The following NINJ2 variants were observed in gnomAD, a reference collection of about 807,000 sequenced individuals.
The protein encoded by NINJ2 is ninjurin-2.
In NINJ2, 12 loss-of-function variants were observed where a neutral mutation model predicts 11.7. That is an observed-to-expected ratio of 1.02 (90% CI 0.66 to 1.66). NINJ2 has a LOEUF of 1.66. Among genes scored for constraint, NINJ2 ranks in the 40% most tolerant of loss-of-function variants. The pLI, the probability that NINJ2 is intolerant of heterozygous loss-of-function variation, is 0.00. For missense variants in NINJ2, 187 were observed against 181.8 expected, an observed-to-expected ratio of 1.03 and a Z score of -0.16; for synonymous variants, 93 against 76.8, an observed-to-expected ratio of 1.21 and a Z score of -1.10.
intron 1 of NINJ2, among the ~76,000 whole-genome samples, chr12:578,307 T>C (rs1259898631): frequency 2.6e-5 from 4 of 152,138 alleles, no homozygotes; most frequent in Non-Finnish European, 5.9e-5. Context: ...AAAGCCCTTC[T>C]TTCTTTAACT....
At chr12:576,338 C>G (rs1947460905) in intron 1 of NINJ2, among the ~76,000 whole-genome samples, 1 of 152,228 alleles carries the variant, frequency 6.6e-6, no homozygotes, top group African/African-American at 2.4e-5. Flanking sequence ...GCGGGCACAC[C>G]CGGGCTTTGA....
intron 1 of NINJ2, among the ~76,000 whole-genome samples, chr12:599,434 G>A (rs1005128749): frequency 5.3e-5 from 8 of 152,186 alleles, no homozygotes; most frequent in South Asian, 4.2e-4. Context: ...TGAGAATGAC[G>A]AAGCTAAATC....
In NINJ2 at chr12:581,031, ATGTGTCTGTGTGTGTC is replaced by A. The variant is rs1359415090; in HGVS notation, c.34-14869_34-14854del. 1.4e-5 allele frequency among the ~76,000 whole-genome samples: 2 copies of A among 138,788 alleles called. No homozygotes were observed. The highest frequency in any genetic ancestry group is 2.1e-4 in the East Asian group (1 of 4,708). 91.1% of individuals were successfully genotyped at this position (138,788 alleles called of 152,430 possible). ...GAATGTGTGTGTTCATGTCTTGTGT[ATGTGTCTGTGTGTGTC>A]TGTGTCTGTGTGTGCGTGTCTCTGT... On this transcript the variant is annotated intron_variant, in intron 1 of 3. Coordinates refer to ENST00000305108, the MANE Select transcript of NINJ2 (RefSeq NM_016533.6). The surrounding 1 kb of genome is among the most constrained non-coding windows in gnomAD (Gnocchi z 4.9).
At chr12:621,472 GAA>G (rs11310736) in intron 1 of NINJ2, among the ~76,000 whole-genome samples, 1 of 147,430 alleles carries the variant, frequency 6.8e-6, no homozygotes, top group Non-Finnish European at 1.5e-5. Context: ...GAAAGAAAAA[GAA>G]AAAAAAAGAA....
intron 1 of NINJ2, among the ~76,000 whole-genome samples, chr12:657,263 T>C (rs1937885583): frequency 6.6e-6 from 1 of 152,110 alleles, no homozygotes; most frequent in Non-Finnish European, 1.5e-5. Flanking sequence ...ACAGTTGTTA[T>C]CCAAAACAGA....
chr12:581,793 T>C lies in NINJ2; in HGVS notation c.34-15615A>G, dbSNP rs1181994165. On this transcript the variant is annotated intron_variant, in intron 1 of 3. Transcript: ENST00000305108. The surrounding 1 kb of genome is among the most constrained non-coding windows in gnomAD (Gnocchi z 4.9). ...CCCCTTCCTCCTCGTGGTGAGAAGC[T>C]AGTATCTGGTGAAATAGGTGAGCTG... Among the ~76,000 whole-genome samples, 1 of 152,144 alleles carries C rather than the reference T, an allele frequency of 6.6e-6. No individual in the cohort carries two copies. Among genetic ancestry groups the C allele is most frequent in the Non-Finnish European group, 1.5e-5 (1 of 68,022 alleles).
intron 1 of NINJ2, among the ~76,000 whole-genome samples, chr12:609,789 A>AAAAAAAAAG (rs71439346): frequency 2.6e-5 from 3 of 116,628 alleles, no homozygotes; most frequent in African/African-American, 9.6e-5. Flanking sequence ...AAAAAAAAAT[A>AAAAAAAAAG]GGGAAAACAA....
chr12:567,880 C>T (rs1187649500), intron 1 of NINJ2, among the ~76,000 whole-genome samples: 3 of 152,158 alleles, frequency 2.0e-5, no homozygotes, highest in Middle Eastern at 3.2e-3. Context: ...TGGTGTCACA[C>T]GCCTGTAATC....
chr12:624,508 T>C (rs1470737018), intron 1 of NINJ2, among the ~76,000 whole-genome samples: 1 of 151,976 alleles, frequency 6.6e-6, no homozygotes, highest in Non-Finnish European at 1.5e-5. Flanking sequence ...CCACAACACA[T>C]GGTATAAAAA....
intron 1 of NINJ2, among the ~76,000 whole-genome samples, chr12:575,605 G>A (rs900942448): frequency 6.6e-6 from 1 of 152,192 alleles, no homozygotes; most frequent in Non-Finnish European, 1.5e-5. Context: ...CTCCTGAGAC[G>A]GCTCCTTCTG....
chr12:570,795 C>A (rs1947365181), intron 1 of NINJ2, among the ~76,000 whole-genome samples: 1 of 152,230 alleles, frequency 6.6e-6, no homozygotes, highest in African/African-American at 2.4e-5. Flanking sequence ...TTCTGCTGAT[C>A]CTCGAGGAGC....
intron 1 of NINJ2, among the ~76,000 whole-genome samples, chr12:629,707 G>A (rs1347901935): frequency 2.7e-5 from 4 of 150,716 alleles, no homozygotes; most frequent in South Asian, 2.1e-4. Flanking sequence ...GACCAACATG[G>A]AGAAACCTCG....
In NINJ2 at chr12:614,116, G is replaced by A. The variant is rs1179783339; in HGVS notation, c.34-47938C>T. Among the ~76,000 whole-genome samples, 2 of 152,048 alleles carry A rather than the reference G, an allele frequency of 1.3e-5. No homozygotes were observed. Among genetic ancestry groups the A allele is most frequent in the Non-Finnish European group, 2.9e-5 (2 of 68,016 alleles). On this transcript the variant is annotated intron_variant, in intron 1 of 3. Coordinates refer to ENST00000305108, the MANE Select transcript of NINJ2 (RefSeq NM_016533.6). This position sits in a 1 kb window ranked among gnomAD's most constrained non-coding sequence, Gnocchi z 5.1. ...GCAGCTTGTCCATAGCACGTGGCTA[G>A]TAAGAACAGTCTCTTACACGATGTC... is the stretch of plus-strand genomic sequence containing the variant.
chr12:650,074 T>C (rs2120523713), intron 1 of NINJ2, among the ~76,000 whole-genome samples: 1 of 113,280 alleles, frequency 8.8e-6, no homozygotes, highest in South Asian at 3.6e-4. Flanking sequence ...GAAGTGAGAT[T>C]AGTAGATTTT....
chr12:653,955 T>C (rs1445570694), intron 1 of NINJ2, among the ~76,000 whole-genome samples: 1 of 152,160 alleles, frequency 6.6e-6, no homozygotes, highest in Admixed American at 6.5e-5. Flanking sequence ...CCCAGCACTT[T>C]AGGAGGCTGA....
At chr12:583,830 C>G (rs1300104308) in intron 1 of NINJ2, among the ~76,000 whole-genome samples, 1 of 152,140 alleles carries the variant, frequency 6.6e-6, no homozygotes, top group East Asian at 1.9e-4. Flanking sequence ...TTCATAGCTG[C>G]ATGGCTTGGG....
Position 633,217 on chromosome 12 carries a change from G to T in NINJ2, c.33+30111C>A, listed in dbSNP as rs1288341804. On this transcript the variant is annotated intron_variant, in intron 1 of 3. Coordinates refer to ENST00000305108, the MANE Select transcript of NINJ2 (RefSeq NM_016533.6). This position sits in a 1 kb window ranked among gnomAD's most constrained non-coding sequence, Gnocchi z 4.3. ...CACTCCTCCATTAAAAAAAAACAAG[G>T]CCGGGCGCGGTGGCTCACACCTGTA... Among the ~76,000 whole-genome samples the T allele has an allele frequency of 6.6e-6, 1 of 151,862 alleles. No homozygotes were observed. Among genetic ancestry groups the T allele is most frequent in the Admixed American group, 6.6e-5 (1 of 15,234 alleles).
chr12:567,531 G>A (rs548251247), intron 1 of NINJ2, among the ~76,000 whole-genome samples: 11 of 152,290 alleles, frequency 7.2e-5, no homozygotes, highest in African/African-American at 9.6e-5. Context: ...GGATGGATGC[G>A]TGGATGATTG....
rs1465023268 is a variant in NINJ2, at chr12:614,642, G to A, written c.34-48464C>T. Reference sequence around the variant, plus strand: ...TTCTTTAGTACCTGTGCTCTAAGAGGATTCCTGCTTCCCTCTTATCCAGAG... The same window carrying A: ...TTCTTTAGTACCTGTGCTCTAAGAGAATTCCTGCTTCCCTCTTATCCAGAG... On this transcript the variant is annotated intron_variant, in intron 1 of 3. Transcript: ENST00000305108. This position sits in a 1 kb window ranked among gnomAD's most constrained non-coding sequence, Gnocchi z 5.1. Among the ~76,000 whole-genome samples the A allele has an allele frequency of 1.3e-5, 2 of 152,124 alleles. No homozygotes were observed. The highest frequency in any genetic ancestry group is 4.8e-5 in the African/African-American group (2 of 41,416).
Sources: gnomAD v4.1 joint callset for allele counts (sites outside exome capture counted in the v4.1 genomes callset) on GRCh38, gnomAD v4.1.1 for gene constraint, Gnocchi (gnomAD v3.1) non-coding constraint, MANE v1.5 for transcripts, NCBI Gene and HGNC (gene_info 2026-07-23, HGNC 2026-07-21) for gene names.